Variants in L3MBTL4 observed in about 807,000 individuals in gnomAD.
L3MBTL4 encodes lethal(3)malignant brain tumor-like protein 4.
L3MBTL4 carries 70 observed loss-of-function variants against 84.5 expected under a neutral mutation model. That is an observed-to-expected ratio of 0.83 (90% CI 0.68 to 1.01). The LOEUF is 1.01. L3MBTL4 is among the 50% of genes least tolerant of loss of function. The probability of loss-of-function intolerance (pLI) is 0.00; values close to 1 mark genes in which losing one functional copy is unlikely to be tolerated. For synonymous variants in L3MBTL4, 274 were observed against 259.8 expected (o/e 1.05, Z -0.52); for missense variants, 715 against 754.8 (o/e 0.95, Z 0.62).
At chr18:5,980,497 T>G (rs984937494) in intron 16 of L3MBTL4, among the ~76,000 whole-genome samples, 5 of 149,936 alleles carry the variant, frequency 3.3e-5, no homozygotes, top group Non-Finnish European at 4.4e-5. Flanking sequence ...AATGGCATGA[T>G]CTCAGCTCAC....
chr18:5,960,077 AT>A lies in L3MBTL4; in HGVS notation c.1677+16del. 3.2e-6 allele frequency: 3 copies of A among 948,968 alleles called. No individual in the cohort carries two copies. Among genetic ancestry groups the A allele is most frequent in the Admixed American group, 2.8e-5 (1 of 35,168 alleles). The allele number at this position is 948,968 out of a possible 1,614,324, so 58.8% of individuals were successfully genotyped here. On this transcript the variant is annotated intron_variant, in intron 18 of 18. Transcript: ENST00000317931. Reference sequence around the variant, plus strand: ...ATATATATACATATATATATATATAATTTTTGCATCTCTTACCTCTTTCTTA... The same window carrying A: ...ATATATATACATATATATATATATAATTTTGCATCTCTTACCTCTTTCTTA...
chr18:6,036,890 A>C (rs933180452), intron 16 of L3MBTL4, among the ~76,000 whole-genome samples: 1 of 152,134 alleles, frequency 6.6e-6, no homozygotes, highest in Non-Finnish European at 1.5e-5. Context: ...GGCCATACAT[A>C]GTCATTTTCT....
chr18:6,118,014 C>T (rs986300931), intron 14 of L3MBTL4, among the ~76,000 whole-genome samples: 1 of 152,050 alleles, frequency 6.6e-6, no homozygotes, highest in East Asian at 1.9e-4. Context: ...GGCCACACTC[C>T]CAACCTCTGA....
chr18:6,007,811 G>C (rs368055233), intron 16 of L3MBTL4, among the ~76,000 whole-genome samples: 37 of 152,236 alleles, frequency 2.4e-4, no homozygotes, highest in African/African-American at 8.7e-4. Context: ...CCTTTTTTAT[G>C]AGTGGGTTGA....
At chr18:5,993,016 G>C (rs954764483) in intron 16 of L3MBTL4, among the ~76,000 whole-genome samples, 6 of 152,212 alleles carry the variant, frequency 3.9e-5, no homozygotes, top group African/African-American at 1.2e-4. Flanking sequence ...GGGCACAGAT[G>C]ATGGGTTGGT....
At chr18:6,148,663 T>G (rs1226325863) in intron 13 of L3MBTL4, among the ~76,000 whole-genome samples, 2 of 152,106 alleles carry the variant, frequency 1.3e-5, no homozygotes, top group Non-Finnish European at 2.9e-5. Context: ...CCTCCTGGGC[T>G]CAAGTGATTC....
intron 12 of L3MBTL4, among the ~76,000 whole-genome samples, chr18:6,185,411 C>A (rs16949594): frequency 0.032 from 4,868 of 152,158 alleles, 264 homozygotes; most frequent in African/African-American, 0.11. Flanking sequence ...GAGAAGTAGC[C>A]AAAGGACTCA....
At chr18:6,195,612 C>T (rs1166282713) in intron 12 of L3MBTL4, among the ~76,000 whole-genome samples, 15 of 152,188 alleles carry the variant, frequency 9.9e-5, no homozygotes, top group Admixed American at 9.2e-4. Context: ...GAAAGCCTCA[C>T]CACAATTTTT....
intron 16 of L3MBTL4, among the ~76,000 whole-genome samples, chr18:6,024,619 G>A (rs2055422087): frequency 6.6e-6 from 1 of 152,174 alleles, no homozygotes; most frequent in African/African-American, 2.4e-5. Flanking sequence ...TAGTGCCTCT[G>A]CTAATTAATT....
At chr18:5,985,153 A>C (rs1282911477) in intron 16 of L3MBTL4, among the ~76,000 whole-genome samples, 1 of 152,210 alleles carries the variant, frequency 6.6e-6, no homozygotes, top group Non-Finnish European at 1.5e-5. Context: ...CTAGCAAACT[A>C]GTGAAGATAC....
intron 14 of L3MBTL4, among the ~76,000 whole-genome samples, chr18:6,118,952 C>T (rs576905793): frequency 1.3e-5 from 2 of 148,582 alleles, no homozygotes; most frequent in South Asian, 2.2e-4. Flanking sequence ...TTCAATTTTA[C>T]CAGAACTTTC....
At chr18:6,166,218 AC>A (rs898517970) in intron 13 of L3MBTL4, among the ~76,000 whole-genome samples, 27 of 152,192 alleles carry the variant, frequency 1.8e-4, no homozygotes, top group African/African-American at 6.5e-4. Context: ...AGACTCCCAA[AC>A]AATAATAATG....
chr18:6,246,180 A>G (rs1568374629), intron 5 of L3MBTL4, among the ~76,000 whole-genome samples: 1 of 152,134 alleles, frequency 6.6e-6, no homozygotes. Flanking sequence ...GAGCCTTTCT[A>G]TTTAGAAAGC....
At chr18:6,164,314 A>C (rs1199806476) in intron 13 of L3MBTL4, among the ~76,000 whole-genome samples, 9 of 152,248 alleles carry the variant, frequency 5.9e-5, no homozygotes, top group Non-Finnish European at 1.2e-4. Context: ...TCCCTGTCTG[A>C]CAGCTTTGAA....
intron 16 of L3MBTL4, among the ~76,000 whole-genome samples, chr18:6,078,636 C>T (rs1598667761): frequency 6.6e-6 from 1 of 152,130 alleles, no homozygotes; most frequent in Non-Finnish European, 1.5e-5. Context: ...GGGGATTAGT[C>T]CCAAAGTACA....
At chr18:6,133,607 A>G (rs1478763186) in intron 14 of L3MBTL4, among the ~76,000 whole-genome samples, 5 of 152,158 alleles carry the variant, frequency 3.3e-5, no homozygotes, top group Non-Finnish European at 7.3e-5. Flanking sequence ...TTGTGAAAAA[A>G]AATGTGGGTA....
intron 5 of L3MBTL4, among the ~76,000 whole-genome samples, chr18:6,251,341 C>G (rs1167081678): frequency 6.6e-6 from 1 of 152,122 alleles, no homozygotes; most frequent in Non-Finnish European, 1.5e-5. Context: ...AGCCAGAAAC[C>G]TAGAATGGTT....
intron 16 of L3MBTL4, among the ~76,000 whole-genome samples, chr18:6,077,538 C>T (rs890477013): frequency 5.3e-5 from 8 of 152,006 alleles, no homozygotes; most frequent in African/African-American, 1.9e-4. Flanking sequence ...GCCAAGCATA[C>T]ATATGGTGAA....
At chr18:6,364,268 A>G (rs1231615243) in intron 1 of L3MBTL4, among the ~76,000 whole-genome samples, 1 of 152,138 alleles carries the variant, frequency 6.6e-6, no homozygotes, top group African/African-American at 2.4e-5. Context: ...TTTTCATTAA[A>G]ATATTATTTA....
Sources: gnomAD v4.1 joint callset for allele counts (sites outside exome capture counted in the v4.1 genomes callset) on GRCh38, gnomAD v4.1.1 for gene constraint, MANE v1.5 for transcripts, NCBI Gene and HGNC (gene_info 2026-07-23, HGNC 2026-07-21) for gene names.